Variants in BCKDHB observed in about 807,000 individuals in gnomAD.
The protein encoded by BCKDHB is 2-oxoisovalerate dehydrogenase subunit beta, mitochondrial.
In BCKDHB, 41 loss-of-function variants were observed where a neutral mutation model predicts 48.5. That is an observed-to-expected ratio of 0.85 (90% CI 0.66 to 1.10). The LOEUF is 1.10. Among genes scored for constraint, BCKDHB ranks in the 50% least tolerant of loss-of-function variants. The pLI is 0.00. For missense variants in BCKDHB, 496 were observed against 494.2 expected, an observed-to-expected ratio of 1.00 and a Z score of -0.03; for synonymous variants, 201 against 174.8, an observed-to-expected ratio of 1.15 and a Z score of -1.18.
chr6:80,110,679 A>G (rs967026987), intron 1 of BCKDHB, among the ~76,000 whole-genome samples: 6 of 152,220 alleles, frequency 3.9e-5, no homozygotes, highest in Non-Finnish European at 7.3e-5. Flanking sequence ...ACCATTTAGC[A>G]TCCCTTGGCA....
intron 6 of BCKDHB, among the ~76,000 whole-genome samples, chr6:80,175,969 C>T (rs1773132581): frequency 6.6e-6 from 1 of 152,106 alleles, no homozygotes; most frequent in African/African-American, 2.4e-5. Context: ...ATAGAACTTG[C>T]TACAGTGGAT....
intron 3 of BCKDHB, among the ~76,000 whole-genome samples, chr6:80,159,072 G>C (rs1449923567): frequency 7.2e-5 from 11 of 152,068 alleles, no homozygotes; most frequent in Admixed American, 7.2e-4. Flanking sequence ...TTAATATTTG[G>C]TAACTCTAAT....
chr6:80,107,167 G>C (rs890366207), intron 1 of BCKDHB, among the ~76,000 whole-genome samples: 2 of 151,806 alleles, frequency 1.3e-5, no homozygotes, highest in African/African-American at 2.4e-5. Context: ...GGGTGGAGGG[G>C]TGGTGCCCAG....
At chr6:80,240,869 C>T (rs577133875) in intron 8 of BCKDHB, among the ~76,000 whole-genome samples, 15 of 152,250 alleles carry the variant, frequency 9.9e-5, no homozygotes, top group African/African-American at 3.1e-4. Context: ...CCTTTCTCCC[C>T]GTCACTTTCA....
the BCKDHB span, among the ~76,000 whole-genome samples, chr6:80,440,235 T>C: frequency 2.1e-3 from 324 of 152,250 alleles, no homozygotes; most frequent in Middle Eastern, 0.014. Context: ...ATAAAGAAGG[T>C]AGTCTGTGAA....
rs774472182 is a variant in BCKDHB, at chr6:80,167,726, G to C, written c.392G>C (p.Gly131Ala). The change falls in exon 4 of 10, where the codon GGA (glycine) becomes GCA (alanine). Residue 131 changes from glycine (G) to alanine (A), a missense_variant. Gly to Ala is a moderately conservative substitution (Grantham distance 60). Coordinates refer to ENST00000320393, the MANE Select transcript of BCKDHB (RefSeq NM_183050.4). ...CCATTGTGTGAACAAGGAATTGTTG[G>C]ATTTGGAATCGGAATTGCGGTCACT... ...NTPLCEQGIV[G>A]FGIGIAVTGA... The C allele has an allele frequency of 3.1e-6, 5 of 1,612,364 alleles. No homozygotes were observed. In the East Asian group the frequency reaches 1.1e-4, roughly 36 times the overall value.
At chr6:80,333,555 T>G (rs1056642741) in intron 9 of BCKDHB, among the ~76,000 whole-genome samples, 4 of 152,172 alleles carry the variant, frequency 2.6e-5, no homozygotes, top group Non-Finnish European at 5.9e-5. Flanking sequence ...GTGCCAATTA[T>G]GCACGGAATT....
At chr6:80,465,154 C>A in the BCKDHB span, among the ~76,000 whole-genome samples, 1 of 152,078 alleles carries the variant, frequency 6.6e-6, no homozygotes, top group Non-Finnish European at 1.5e-5. Context: ...TGGCATTTCC[C>A]CAAATGTAGA....
intron 9 of BCKDHB, among the ~76,000 whole-genome samples, chr6:80,299,217 T>C (rs1206413982): frequency 2.0e-5 from 3 of 152,134 alleles, no homozygotes; most frequent in African/African-American, 7.2e-5. Flanking sequence ...TTCCCCTAAA[T>C]TGAGTCTTTA....
At chr6:80,314,738 G>A (rs900361647) in intron 9 of BCKDHB, among the ~76,000 whole-genome samples, 1 of 152,320 alleles carries the variant, frequency 6.6e-6, no homozygotes, top group East Asian at 1.9e-4. Flanking sequence ...CCTCCCGCAA[G>A]GCACTCTGTC....
At chr6:80,106,932 C>G in intron 1 of BCKDHB, 43 bp downstream of exon 1, 1 of 1,569,362 alleles carries the variant, frequency 6.4e-7, no homozygotes, top group Non-Finnish European at 8.6e-7. Flanking sequence ...GCAGCCCGGA[C>G]TCCCAGGCTC....
intron 1 of BCKDHB, among the ~76,000 whole-genome samples, chr6:80,115,104 C>G (rs889696816): frequency 2.0e-5 from 3 of 152,160 alleles, no homozygotes; most frequent in Admixed American, 1.3e-4. Flanking sequence ...CACACTGGTA[C>G]CTTACAAAGG....
chr6:80,242,330 T>C (rs1035673101), intron 8 of BCKDHB, among the ~76,000 whole-genome samples: 1 of 152,310 alleles, frequency 6.6e-6, no homozygotes, highest in Admixed American at 6.5e-5. Flanking sequence ...GTTCATGGGC[T>C]GTCCATTTTA....
intron 9 of BCKDHB, among the ~76,000 whole-genome samples, chr6:80,288,130 C>T (rs184787796): frequency 7.9e-5 from 12 of 151,368 alleles, no homozygotes; most frequent in East Asian, 3.9e-4. Flanking sequence ...GTTAGTATTA[C>T]GCACAAAATG....
intron 9 of BCKDHB, among the ~76,000 whole-genome samples, chr6:80,288,254 G>A (rs1320311237): frequency 6.6e-6 from 1 of 151,948 alleles, no homozygotes; most frequent in African/African-American, 2.4e-5. Context: ...CAAGCATGGT[G>A]TTTTCAAATA....
chr6:80,383,674 G>GT, the BCKDHB span, among the ~76,000 whole-genome samples: 1 of 151,540 alleles, frequency 6.6e-6, no homozygotes, highest in Non-Finnish European at 1.5e-5. Context: ...GAAAAATAAT[G>GT]TTTTTTTAAT....
intron 3 of BCKDHB, among the ~76,000 whole-genome samples, chr6:80,157,459 ATTTTTTTT>A (rs36063034): frequency 3.8e-4 from 37 of 96,748 alleles, no homozygotes; most frequent in African/African-American, 1.2e-3. Flanking sequence ...TTGGGTGAGA[ATTTTTTTT>A]TTTTTTTTTT....
chr6:80,465,664 A>T, the BCKDHB span: 7 of 152,210 alleles, frequency 4.6e-5, no homozygotes, highest in African/African-American at 1.7e-4. Context: ...GCAATCTCTC[A>T]GTAGTGGTGA....
intron 3 of BCKDHB, among the ~76,000 whole-genome samples, chr6:80,134,927 T>G (rs367935959): frequency 2.0e-5 from 3 of 151,926 alleles, no homozygotes; most frequent in African/African-American, 4.8e-5. Flanking sequence ...GATTTTTGTA[T>G]TTTTAGTAGA....
Sources: allele counts gnomAD v4.1 joint callset (sites outside exome capture counted in the v4.1 genomes callset), GRCh38; gene constraint gnomAD v4.1.1; transcripts MANE v1.5; gene names NCBI Gene and HGNC (gene_info 2026-07-23, HGNC 2026-07-21).